The following KCNN2 variants were observed in gnomAD, a reference collection of about 807,000 sequenced individuals.
KCNN2 encodes the protein potassium calcium-activated channel subfamily N member 2.
KCNN2 carries 24 observed loss-of-function variants against 55.5 expected under a neutral mutation model. That is an observed-to-expected ratio of 0.43 (90% CI 0.31 to 0.61). The LOEUF is 0.61. Ranked by LOEUF, KCNN2 falls within the 20% of genes least tolerant of loss-of-function variation. KCNN2 has a pLI of 0.08. For missense variants in KCNN2, 754 were observed against 853.6 expected (o/e 0.88, Z 1.45); for synonymous variants, 431 against 336.1 (o/e 1.28, Z -3.09).
At chr5:114,295,345 G>C (rs1033913112) in intron 2 of KCNN2, among the ~76,000 whole-genome samples, 6 of 152,182 alleles carry the variant, frequency 3.9e-5, no homozygotes, top group African/African-American at 1.4e-4. Context: ...GCTGTGTTGG[G>C]CTCCACCCAG....
intron 1 of KCNN2, among the ~76,000 whole-genome samples, chr5:114,150,751 G>C (rs948564884): frequency 2.0e-5 from 3 of 152,212 alleles, no homozygotes; most frequent in Admixed American, 6.5e-5. Context: ...GCCGGGCACA[G>C]TGGCTTACAC....
At chr5:114,372,107 C>G (rs1408185093) in intron 2 of KCNN2, among the ~76,000 whole-genome samples, 2 of 152,116 alleles carry the variant, frequency 1.3e-5, no homozygotes, top group Non-Finnish European at 2.9e-5. Flanking sequence ...TTTGGAAAAT[C>G]CTGTGTGTGG....
chr5:114,447,224 C>T (rs1486323396), intron 3 of KCNN2, among the ~76,000 whole-genome samples: 1 of 152,174 alleles, frequency 6.6e-6, no homozygotes, highest in African/African-American at 2.4e-5. Context: ...AAGCTGGGCA[C>T]ATAGTAATTC....
In KCNN2 at chr5:114,215,434, A is replaced by G. The variant is rs573391763; in HGVS notation, c.-270-6046A>G. On this transcript the variant is annotated intron_variant, in intron 1 of 10. Coordinates refer to the KCNN2 transcript ENST00000512097. ...TTTTTCATTGTGAAACATATTCCTT[A>G]TACTTGGTGACACAGAACCCTTTGA... is the stretch of plus-strand genomic sequence containing the variant. 3.3e-5 allele frequency among the ~76,000 whole-genome samples: 5 copies of G among 152,252 alleles called. No individual in the cohort carries two copies. In the South Asian group the frequency reaches 1.0e-3, roughly 32 times the overall value.
chr5:114,198,925 G>C (rs1474402586), intron 1 of KCNN2, among the ~76,000 whole-genome samples: 1 of 152,090 alleles, frequency 6.6e-6, no homozygotes, highest in Non-Finnish European at 1.5e-5. Context: ...AGAATGTTCT[G>C]TAAATGTCTG....
intron 2 of KCNN2, among the ~76,000 whole-genome samples, chr5:114,276,672 TGCTTTCCA>T (rs1755494996): frequency 3.4e-5 from 5 of 149,176 alleles, no homozygotes; most frequent in Non-Finnish European, 6.0e-5. Flanking sequence ...TTTTTTTTTT[TGCTTTCCA>T]TTTGCTTGGT....
At chr5:114,225,125 A>G (rs4484414) in intron 2 of KCNN2, among the ~76,000 whole-genome samples, 124,217 of 152,162 alleles carry the variant, frequency 0.82, 50,844 homozygotes, top group East Asian at 0.9. Context: ...AATTGATATC[A>G]AAGAAAGGAT....
At position 114,177,055 on chromosome 5, in the gene KCNN2, C is replaced by T. The variant is rs1220316461; in HGVS notation, c.-270-44425C>T. Among the ~76,000 whole-genome samples, 4 of 151,724 alleles carry T rather than the reference C, an allele frequency of 2.6e-5. 1 individual carries two copies. Among genetic ancestry groups the T allele is most frequent in the Non-Finnish European group, 5.9e-5 (4 of 67,964 alleles). ...CAATCACTTCATTCATTTTCCACAC[C>T]CTAAAGTCAGGCATCCAACATTTTC... On this transcript the variant is annotated intron_variant, in intron 1 of 10. Transcript: ENST00000512097.
intron 1 of KCNN2, among the ~76,000 whole-genome samples, chr5:114,148,275 C>A (rs1460481829): frequency 6.6e-6 from 1 of 152,134 alleles, no homozygotes; most frequent in African/African-American, 2.4e-5. Context: ...TTGTAACACC[C>A]TGATAGGTTT....
At chr5:114,318,116 C>T (rs773362574) in intron 2 of KCNN2, among the ~76,000 whole-genome samples, 40 of 152,216 alleles carry the variant, frequency 2.6e-4, no homozygotes, top group Non-Finnish European at 2.4e-4. Context: ...CTGTCCTACT[C>T]ATCTCCTGTC....
chr5:114,186,853 A>T (rs1753344205), intron 1 of KCNN2, among the ~76,000 whole-genome samples: 1 of 152,304 alleles, frequency 6.6e-6, no homozygotes, highest in Admixed American at 6.5e-5. Flanking sequence ...CATATTTTGT[A>T]TAAACTGTTA....
chr5:114,062,485 A>G (rs1750353175), intron 1 of KCNN2, among the ~76,000 whole-genome samples: 1 of 152,240 alleles, frequency 6.6e-6, no homozygotes, highest in Admixed American at 6.5e-5. Flanking sequence ...TTTGTGAAAC[A>G]CATGAGAAAT....
chr5:114,381,377 G>T (rs1177255499), intron 2 of KCNN2, among the ~76,000 whole-genome samples: 1 of 152,162 alleles, frequency 6.6e-6, no homozygotes, highest in Non-Finnish European at 1.5e-5. Flanking sequence ...AGATTTTGTA[G>T]TCTGGTTGTA....
intron 1 of KCNN2, among the ~76,000 whole-genome samples, chr5:114,164,080 G>T (rs563438246): frequency 3.3e-5 from 5 of 152,232 alleles, no homozygotes; most frequent in African/African-American, 4.8e-5. Flanking sequence ...CCAATGAATT[G>T]TGCTATGTCT....
intron 1 of KCNN2, among the ~76,000 whole-genome samples, chr5:114,145,473 C>T (rs1752378680): frequency 6.6e-6 from 1 of 152,084 alleles, no homozygotes; most frequent in South Asian, 2.1e-4. Flanking sequence ...TTAATGAGAG[C>T]CCTGATACCA....
At chr5:114,082,052 C>T (rs1334087555) in intron 1 of KCNN2, among the ~76,000 whole-genome samples, 1 of 151,814 alleles carries the variant, frequency 6.6e-6, no homozygotes, top group Non-Finnish European at 1.5e-5. Context: ...ATAAAAATGT[C>T]CAGTAAGCAC....
At chr5:114,090,289 C>A (rs532754902) in intron 1 of KCNN2, among the ~76,000 whole-genome samples, 11 of 152,184 alleles carry the variant, frequency 7.2e-5, no homozygotes, top group Non-Finnish European at 5.9e-5. Context: ...TATACTGATT[C>A]TTTTAAGGTA....
Position 114,473,238 on chromosome 5 carries a change from T to G in KCNN2, c.1890+74T>G, listed in dbSNP as rs1436019451. The stretch of plus-strand genomic sequence containing the variant: ...TCAGTGTTAGGAAATATGGTTTTTA[T>G]TTTGACATCCGAAGCTGAAATGACA... On this transcript the variant is annotated intron_variant, in intron 5 of 7. Coordinates refer to ENST00000673685, the MANE Select transcript of KCNN2 (RefSeq NM_021614.4). The G allele has an allele frequency of 3.1e-6, 3 of 959,692 alleles. No individual in the cohort carries two copies. The African/African-American group carries it at 4.9e-5, about 16-fold the overall frequency. The allele number at this position is 959,692 out of a possible 1,614,324, so 59.4% of individuals were successfully genotyped here.
At chr5:114,432,741 G>A (rs557796958) in intron 3 of KCNN2, among the ~76,000 whole-genome samples, 1 of 152,326 alleles carries the variant, frequency 6.6e-6, no homozygotes, top group African/African-American at 2.4e-5. Flanking sequence ...CTGGAGTTCC[G>A]GGTGGGCGTG....
Sources: gnomAD v4.1 joint callset for allele counts (sites outside exome capture counted in the v4.1 genomes callset) on GRCh38, gnomAD v4.1.1 for gene constraint, MANE v1.5 for transcripts, NCBI Gene and HGNC (gene_info 2026-07-23, HGNC 2026-07-21) for gene names.